The following IL1RAPL2 variants were observed in gnomAD, a reference collection of about 807,000 sequenced individuals.
The protein encoded by IL1RAPL2 is X-linked interleukin-1 receptor accessory protein-like 2.
Under a neutral mutation model 44.1 loss-of-function variants are expected in IL1RAPL2, and 3 were observed. The observed-to-expected ratio is 0.07, with a 90% CI of 0.03 to 0.18. The LOEUF (loss-of-function observed/expected upper bound fraction) is 0.18. IL1RAPL2 is among the 10% of genes least tolerant of loss of function. The probability of loss-of-function intolerance (pLI) is 1.00; values close to 1 mark genes in which losing one functional copy is unlikely to be tolerated. For missense variants in IL1RAPL2, 391 were observed against 496.4 expected (o/e 0.79, Z 2.02); for synonymous variants, 181 against 178.8 (o/e 1.01, Z -0.10).
At chrX:105,099,453 CTT>C (rs36063657) in intron 2 of IL1RAPL2, among the ~76,000 whole-genome samples, 2 of 35,866 alleles carry the variant, frequency 5.6e-5, no homozygotes, top group African/African-American at 1.9e-4. Flanking sequence ...GTGCCACATA[CTT>C]TTTTTTTTTT....
intron 5 of IL1RAPL2, among the ~76,000 whole-genome samples, chrX:105,291,631 A>T (rs1206814716): frequency 9.0e-6 from 1 of 111,705 alleles, no homozygotes; most frequent in Non-Finnish European, 1.9e-5. Context: ...AAATATGTAC[A>T]TTGAAAAAAT....
intron 2 of IL1RAPL2, among the ~76,000 whole-genome samples, chrX:105,191,408 T>G (rs782289062): frequency 9.0e-6 from 1 of 111,536 alleles, no homozygotes; most frequent in African/African-American, 3.3e-5. Context: ...AGAGACAGGA[T>G]TTCACCATAT....
chrX:105,199,188 C>G (rs781947167), intron 3 of IL1RAPL2, among the ~76,000 whole-genome samples: 1 of 110,667 alleles, frequency 9.0e-6, no homozygotes, highest in South Asian at 3.8e-4. Context: ...TATTATACAC[C>G]GGCTTGTAAT....
rs187277811 is a variant in IL1RAPL2 at position 105,045,770 on chromosome X, C to T, written c.83-149705C>T. Among the ~76,000 whole-genome samples, 9 of 110,506 alleles carry T rather than the reference C, an allele frequency of 8.1e-5. No homozygotes were observed. The Admixed American group carries it at 8.7e-4, about 11-fold the overall frequency. ...CAGAGATGGTGTCTTGCTATGCTGC[C>T]CAGGCTAGTCTTGAACTCCTGGCCT... On this transcript the variant is annotated intron_variant, in intron 2 of 10. Coordinates refer to ENST00000372582, the MANE Select transcript of IL1RAPL2 (RefSeq NM_017416.2).
At chrX:105,151,638 G>A (rs2033228729) in intron 2 of IL1RAPL2, among the ~76,000 whole-genome samples, 1 of 110,123 alleles carries the variant, frequency 9.1e-6, no homozygotes, top group Non-Finnish European at 1.9e-5. Context: ...TATTGAAGTT[G>A]GGAGCAAGAT....
chrX:105,445,086 T>C (rs1236606774), intron 5 of IL1RAPL2, among the ~76,000 whole-genome samples: 1 of 111,555 alleles, frequency 9.0e-6, no homozygotes, highest in Non-Finnish European at 1.9e-5. Flanking sequence ...TCTTGGTCTG[T>C]TCAGGTTTTG....
At chrX:104,637,626 G>A (rs1389104758) in intron 1 of IL1RAPL2, among the ~76,000 whole-genome samples, 1 of 110,282 alleles carries the variant, frequency 9.1e-6, no homozygotes, top group Admixed American at 9.7e-5. Flanking sequence ...ATTGATTTGT[G>A]TATGCTGAAC....
At chrX:105,047,137 T>A (rs924978637) in intron 2 of IL1RAPL2, among the ~76,000 whole-genome samples, 1 of 111,336 alleles carries the variant, frequency 9.0e-6, no homozygotes, top group African/African-American at 3.3e-5. Context: ...TGCAGGGAGT[T>A]GCATATACCC....
intron 6 of IL1RAPL2, among the ~76,000 whole-genome samples, chrX:105,576,574 C>A (rs975793835): frequency 9.0e-6 from 1 of 111,069 alleles, no homozygotes; most frequent in Non-Finnish European, 1.9e-5. Context: ...GTATTCAGAA[C>A]GCTTTGCCCA....
chrX:104,961,639 C>T (rs1162998786), intron 2 of IL1RAPL2, among the ~76,000 whole-genome samples: 1 of 111,658 alleles, frequency 9.0e-6, no homozygotes, highest in Non-Finnish European at 1.9e-5. Context: ...AATTCAACTA[C>T]TTTGTTTCAT....
intron 6 of IL1RAPL2, among the ~76,000 whole-genome samples, chrX:105,584,131 G>A (rs771612072): frequency 2.7e-5 from 3 of 110,063 alleles, no homozygotes; most frequent in Admixed American, 9.6e-5. Context: ...AGTTGAATAC[G>A]TTGTTCAAGT....
intron 7 of IL1RAPL2, among the ~76,000 whole-genome samples, chrX:105,739,434 G>A (rs1417754209): frequency 9.4e-6 from 1 of 106,704 alleles, no homozygotes; most frequent in African/African-American, 3.4e-5. Flanking sequence ...TGCCATGCTG[G>A]TGCGCTGCAC....
At chrX:104,787,664 G>A (rs1457683001) in intron 2 of IL1RAPL2, among the ~76,000 whole-genome samples, 1 of 111,532 alleles carries the variant, frequency 9.0e-6, no homozygotes, top group Non-Finnish European at 1.9e-5. Flanking sequence ...GTACAGTAAG[G>A]GGAAGCCCAC....
chrX:104,917,473 C>T (rs1924489632), intron 2 of IL1RAPL2, among the ~76,000 whole-genome samples: 1 of 110,620 alleles, frequency 9.0e-6, no homozygotes, highest in Admixed American at 9.6e-5. Context: ...TTTTTATCCA[C>T]AGATTTGATT....
chrX:105,219,650 C>T (rs1556177134), intron 3 of IL1RAPL2: 5 of 1,210,746 alleles, frequency 4.1e-6, no homozygotes, highest in Non-Finnish European at 5.6e-6. Context: ...GCAGCAGCCA[C>T]CGCCGCCTCT....
intron 6 of IL1RAPL2, among the ~76,000 whole-genome samples, chrX:105,529,893 C>A (rs1228151629): frequency 8.9e-6 from 1 of 111,972 alleles, no homozygotes; most frequent in Non-Finnish European, 1.9e-5. Context: ...GAATTTCCTT[C>A]CCTTTTAAGG....
chrX:104,694,894 C>T (rs1931152003), intron 2 of IL1RAPL2, among the ~76,000 whole-genome samples: 1 of 112,062 alleles, frequency 8.9e-6, no homozygotes, highest in Non-Finnish European at 1.9e-5. Context: ...ACGCAGTGAC[C>T]ATATTAAAAA....
chrX:105,728,898 T>C (rs2038375763), intron 7 of IL1RAPL2, among the ~76,000 whole-genome samples: 1 of 109,682 alleles, frequency 9.1e-6, no homozygotes, highest in East Asian at 2.9e-4. Context: ...CAAAAACTCT[T>C]GGTAACCAAT....
At chrX:105,194,090 C>A (rs782662102) in intron 2 of IL1RAPL2, among the ~76,000 whole-genome samples, 1 of 111,953 alleles carries the variant, frequency 8.9e-6, no homozygotes, top group African/African-American at 3.2e-5. Flanking sequence ...CATTGTTTTG[C>A]CAACTACCTT....
Sources: gnomAD v4.1 joint callset for allele counts (sites outside exome capture counted in the v4.1 genomes callset) on GRCh38, gnomAD v4.1.1 for gene constraint, MANE v1.5 for transcripts, NCBI Gene and HGNC (gene_info 2026-07-23, HGNC 2026-07-21) for gene names.